The following NUDCD1 variants were observed in gnomAD, a reference collection of about 807,000 sequenced individuals.
NUDCD1 encodes the protein nudC domain-containing protein 1.
A neutral mutation model predicts 67.8 loss-of-function variants in NUDCD1; 60 were observed. That is an observed-to-expected ratio of 0.88 (90% confidence interval 0.72 to 1.10). The LOEUF is 1.10. NUDCD1 is among the 50% of genes least tolerant of loss of function. NUDCD1 has a pLI of 0.00. For synonymous variants in NUDCD1, 244 were observed against 230.8 expected, an observed-to-expected ratio of 1.06 and a Z score of -0.52; for missense variants, 643 against 695.0, an observed-to-expected ratio of 0.93 and a Z score of 0.84.
intron 6 of NUDCD1, among the ~76,000 whole-genome samples, chr8:109,276,967 G>C (rs556289042): frequency 4.6e-5 from 7 of 152,150 alleles, no homozygotes; most frequent in Non-Finnish European, 1.0e-4. Context: ...CCAGCCCCCA[G>C]ACTGAGTTAC....
Position 109,271,094 on chromosome 8 carries a change from C to CA in NUDCD1, c.1209dup (p.Ala404CysfsTer8). ...ATATCACATTCTTCTAACTCTTGAG[C>CA]ATTGCAAGGTGGTTTTTCTTTATCT... On this transcript the variant is annotated frameshift_variant, in exon 8 of 10. Coordinates refer to ENST00000239690, the MANE Select transcript of NUDCD1 (RefSeq NM_032869.4). LOFTEE classifies it high-confidence loss of function. 1 of 1,589,216 alleles carries CA rather than the reference C, an allele frequency of 6.3e-7. No individual in the cohort carries two copies. Among genetic ancestry groups the CA allele is most frequent in the Non-Finnish European group, 8.6e-7 (1 of 1,162,456 alleles).
At chr8:109,310,662 A>C (rs1395860707) in intron 2 of NUDCD1, among the ~76,000 whole-genome samples, 1 of 152,214 alleles carries the variant, frequency 6.6e-6, no homozygotes, top group African/African-American at 2.4e-5. Context: ...CAAAAGGAAC[A>C]GTCAGCAGAA....
intron 8 of NUDCD1, among the ~76,000 whole-genome samples, chr8:109,260,967 T>C (rs1024581729): frequency 6.6e-6 from 1 of 152,224 alleles, no homozygotes; most frequent in Non-Finnish European, 1.5e-5. Flanking sequence ...ATTTGCTCAA[T>C]GTTGGCATGG....
At chr8:109,293,810 T>C (rs1384722728) in intron 3 of NUDCD1, among the ~76,000 whole-genome samples, 1 of 152,092 alleles carries the variant, frequency 6.6e-6, no homozygotes, top group Non-Finnish European at 1.5e-5. Context: ...TGAGTGTGCA[T>C]GTGTGTATGC....
intron 2 of NUDCD1, among the ~76,000 whole-genome samples, chr8:109,306,669 G>A (rs1586296735): frequency 8.0e-6 from 1 of 125,712 alleles, no homozygotes; most frequent in Admixed American, 9.4e-5. Flanking sequence ...CACTCTAATT[G>A]GATGTCCTGG....
At chr8:109,271,276 G>A in intron 7 of NUDCD1, 146 bp from the exon 8 acceptor site, 1 of 523,058 alleles carries the variant, frequency 1.9e-6, no homozygotes, top group Non-Finnish European at 3.3e-6. Context: ...CACAAAAACA[G>A]AAATAACAGA....
chr8:109,264,201 G>A (rs1813935878), intron 8 of NUDCD1, among the ~76,000 whole-genome samples: 2 of 152,064 alleles, frequency 1.3e-5, no homozygotes, highest in Non-Finnish European at 2.9e-5. Context: ...AACAACAGTC[G>A]ACAAACTATG....
At chr8:109,333,867 G>C in intron 1 of NUDCD1, 26 bp downstream of exon 1, 2 of 1,613,238 alleles carry the variant, frequency 1.2e-6, no homozygotes, top group South Asian at 1.1e-5. Flanking sequence ...AAGGAACGGA[G>C]TACGAAGGGC....
chr8:109,242,379 T>C lies in NUDCD1; in HGVS notation c.*630A>G, dbSNP rs1464525663. On this transcript the variant is annotated 3_prime_UTR_variant, in exon 10 of 10. Transcript: ENST00000239690. ...AAAGTCCTTGTTTTAAACCACTGAG[T>C]TTTGGTGTGGTTTGTTATGCAGTGA... 2.7e-6 allele frequency: 1 copy of C among 367,880 alleles called. No individual in the cohort carries two copies. 22.8% of individuals were successfully genotyped at this position (367,880 alleles called of 1,614,324 possible). A position where few individuals can be genotyped will look rare whatever the true frequency, so the allele number is the denominator to read the frequency against.
chr8:109,275,295 T>C (rs889019796), intron 7 of NUDCD1, 57 bp downstream of exon 7: 9 of 1,517,104 alleles, frequency 5.9e-6, no homozygotes, highest in Non-Finnish European at 9.0e-7. Context: ...TGGCATAATC[T>C]TCACATAACA....
chr8:109,257,517 C>T (rs1043133389), intron 8 of NUDCD1, among the ~76,000 whole-genome samples: 1 of 152,028 alleles, frequency 6.6e-6, no homozygotes, highest in African/African-American at 2.4e-5. Context: ...ATCAATTCTC[C>T]TCAAGTTGAC....
At chr8:109,271,883 T>A (rs1814165367) in intron 7 of NUDCD1, among the ~76,000 whole-genome samples, 1 of 152,118 alleles carries the variant, frequency 6.6e-6, no homozygotes, top group Admixed American at 6.5e-5. Context: ...ATGGTGGATA[T>A]TTGAAGGTGT....
At chr8:109,267,012 C>A (rs1447899360) in intron 8 of NUDCD1, among the ~76,000 whole-genome samples, 6 of 152,096 alleles carry the variant, frequency 3.9e-5, no homozygotes, top group Admixed American at 3.3e-4. Flanking sequence ...AAGGTAATTT[C>A]AAATTTCAAA....
intron 2 of NUDCD1, among the ~76,000 whole-genome samples, chr8:109,321,502 G>A (rs548728523): frequency 1.8e-4 from 27 of 151,464 alleles, no homozygotes; most frequent in Non-Finnish European, 1.5e-5. Flanking sequence ...ATTAAATCGA[G>A]TTCTAAGGAC....
chr8:109,280,500 G>A (rs1814407772), intron 6 of NUDCD1, among the ~76,000 whole-genome samples: 1 of 152,172 alleles, frequency 6.6e-6, no homozygotes, highest in Admixed American at 6.5e-5. Flanking sequence ...ATGCTTGAAT[G>A]TATGTAAAAT....
chr8:109,273,397 A>T (rs752012139), intron 7 of NUDCD1, among the ~76,000 whole-genome samples: 29 of 152,130 alleles, frequency 1.9e-4, no homozygotes, highest in Non-Finnish European at 4.1e-4. Context: ...GGTAGGCAAA[A>T]ATTTAGAGAA....
chr8:109,285,167 A>G (rs1814545502), intron 5 of NUDCD1, among the ~76,000 whole-genome samples: 1 of 152,132 alleles, frequency 6.6e-6, no homozygotes, highest in African/African-American at 2.4e-5. Flanking sequence ...TCAATCAGTA[A>G]TAAAAAAATC....
chr8:109,295,225 T>C (rs1814814385), intron 3 of NUDCD1, among the ~76,000 whole-genome samples: 1 of 152,186 alleles, frequency 6.6e-6, no homozygotes, highest in Admixed American at 6.6e-5. Flanking sequence ...CAAGTAGGTT[T>C]GTCCTGTTCA....
chr8:109,294,849 T>C (rs1198996054), intron 3 of NUDCD1, among the ~76,000 whole-genome samples: 2 of 152,044 alleles, frequency 1.3e-5, no homozygotes, highest in Admixed American at 6.6e-5. Context: ...TGCTCCGTAA[T>C]CACTTCTACT....
Sources: allele counts gnomAD v4.1 joint callset (sites outside exome capture counted in the v4.1 genomes callset), GRCh38; gene constraint gnomAD v4.1.1; transcripts MANE v1.5; gene names NCBI Gene and HGNC (gene_info 2026-07-23, HGNC 2026-07-21).